The following CDKL4 variants were observed in gnomAD, a reference collection of about 807,000 sequenced individuals.
CDKL4 encodes cyclin dependent kinase like 4, also known as cyclin-dependent kinase-like 4.
CDKL4 carries 44 observed loss-of-function variants against 42.0 expected under a neutral mutation model. The observed-to-expected ratio is 1.05, with a 90% CI of 0.82 to 1.35. The LOEUF (loss-of-function observed/expected upper bound fraction) is 1.35. Ranked by LOEUF, CDKL4 falls within the 40% of genes most tolerant of loss-of-function variation. CDKL4 has a pLI of 0.00. For synonymous variants in CDKL4, 120 were observed against 121.6 expected, an observed-to-expected ratio of 0.99 and a Z score of 0.09; for missense variants, 393 against 369.9, an observed-to-expected ratio of 1.06 and a Z score of -0.51.
chr2:39,184,550 C>T lies in CDKL4; in HGVS notation c.792+41G>A, dbSNP rs764616831. On this transcript the variant is annotated intron_variant, in intron 8 of 9. Coordinates refer to ENST00000451199, the Ensembl canonical transcript of CDKL4. ...CTCAAATTACCAGCTTCAGTCATTA[C>T]AATTTATAGCTAATAAGAGTTATAA... is the stretch of plus-strand genomic sequence containing the variant. 4.8e-6 allele frequency: 7 copies of T among 1,451,334 alleles called. No individual in the cohort carries two copies. In the Admixed American group the frequency reaches 6.9e-5, roughly 14 times the overall value. The allele number at this position is 1,451,334 out of a possible 1,614,324, so 89.9% of individuals were successfully genotyped here.
In CDKL4 at chr2:39,233,726, CAA is replaced by C. The variant is rs201736251; in HGVS notation, c.-56-4140_-56-4139del. ...AATTTCAGTTAATGAAAATCATTTA[CAA>C]AAAAAAACACACAAAATCTAACCAT... On this transcript the variant is annotated intron_variant, in intron 1 of 9. Transcript: ENST00000451199. Among the ~76,000 whole-genome samples the C allele has an allele frequency of 2.0e-5, 3 of 146,424 alleles. No individual in the cohort carries two copies. In the East Asian group the frequency reaches 5.9e-4, roughly 29 times the overall value.
At chr2:39,169,499 T>G in the CDKL4 span, among the ~76,000 whole-genome samples, 1 of 152,098 alleles carries the variant, frequency 6.6e-6, no homozygotes, top group Non-Finnish European at 1.5e-5. Context: ...TATCTTGGTG[T>G]TGTTAATGAA....
chr2:39,237,057 T>C (rs1679413099), intron 1 of CDKL4, among the ~76,000 whole-genome samples: 1 of 152,154 alleles, frequency 6.6e-6, no homozygotes, highest in African/African-American at 2.4e-5. Flanking sequence ...AATATCACCC[T>C]GATAGAAGTC....
chr2:39,244,653 G>A (rs1006354511), upstream of CDKL4, among the ~76,000 whole-genome samples: 1 of 152,250 alleles, frequency 6.6e-6, no homozygotes, highest in Admixed American at 6.5e-5. Flanking sequence ...AAGGGCTGAG[G>A]AGTGCGAGCG....
chr2:39,237,595 C>A (rs1345937943), intron 1 of CDKL4, among the ~76,000 whole-genome samples: 4 of 152,202 alleles, frequency 2.6e-5, no homozygotes, highest in Admixed American at 2.6e-4. Flanking sequence ...GTGGCTCACA[C>A]CTCTAACCCC....
chr2:39,178,436 T>A (rs1205868621), intron 9 of CDKL4: 2 of 815,394 alleles, frequency 2.5e-6, no homozygotes, highest in Non-Finnish European at 3.8e-6. Flanking sequence ...TTCGTCTACT[T>A]ATTTATTTTA....
intron 2 of CDKL4, among the ~76,000 whole-genome samples, chr2:39,227,179 G>A (rs976279883): frequency 6.6e-6 from 1 of 152,210 alleles, no homozygotes; most frequent in East Asian, 1.9e-4. Flanking sequence ...CAGGATACAT[G>A]ATCACTCTTA....
intron 3 of CDKL4, among the ~76,000 whole-genome samples, chr2:39,219,804 T>C (rs1277248877): frequency 1.3e-5 from 2 of 152,116 alleles, no homozygotes; most frequent in African/African-American, 4.8e-5. Context: ...CTAAGTGTGA[T>C]AGAACAATAT....
intron 3 of CDKL4, among the ~76,000 whole-genome samples, chr2:39,217,568 T>C (rs1331803194): frequency 6.6e-6 from 1 of 152,196 alleles, no homozygotes; most frequent in Non-Finnish European, 1.5e-5. Context: ...GCCTTGTTAC[T>C]ATGGCCTACA....
chr2:39,187,525 A>G (rs1675896054), intron 7 of CDKL4, 102 bp downstream of exon 7: 1 of 808,372 alleles, frequency 1.2e-6, no homozygotes, highest in Admixed American at 2.8e-5. Flanking sequence ...AGCCTTGGTG[A>G]CAGAGTGAGA....
At chr2:39,180,722 G>C (rs1294631488) in intron 8 of CDKL4, among the ~76,000 whole-genome samples, 4 of 131,476 alleles carry the variant, frequency 3.0e-5, no homozygotes, top group East Asian at 2.1e-4. Context: ...ACAAAGTCTC[G>C]TTCTGTCACC....
intron 5 of CDKL4, among the ~76,000 whole-genome samples, chr2:39,200,741 G>A (rs1676794362): frequency 6.6e-6 from 1 of 152,056 alleles, no homozygotes; most frequent in Non-Finnish European, 1.5e-5. Context: ...AGTGATGAAT[G>A]GACACCTTAT....
intron 8 of CDKL4, among the ~76,000 whole-genome samples, chr2:39,181,978 T>C (rs1297142718): frequency 6.6e-6 from 1 of 152,076 alleles, no homozygotes; most frequent in Non-Finnish European, 1.5e-5. Flanking sequence ...TTTATTCACG[T>C]TGATTTTATT....
At position 39,208,618 on chromosome 2, in the gene CDKL4, C is replaced by T. The variant is rs527283163; in HGVS notation, c.364-4001G>A. ...TCGGCCTCCCAAAGTGCTGGGATTA[C>T]AGGCATGAGACACCATGCTTGGCCT... is the stretch of plus-strand genomic sequence containing the variant. On this transcript the variant is annotated intron_variant, in intron 4 of 9. Coordinates refer to ENST00000451199, the Ensembl canonical transcript of CDKL4. 2.1e-4 allele frequency among the ~76,000 whole-genome samples: 32 copies of T among 151,844 alleles called. No homozygotes were observed. In the South Asian group the frequency reaches 5.6e-3, roughly 27 times the overall value.
chr2:39,195,669 G>T (rs1178706665), intron 5 of CDKL4, among the ~76,000 whole-genome samples: 3 of 144,374 alleles, frequency 2.1e-5, no homozygotes. Flanking sequence ...TTGAGACAGG[G>T]TCTCACTTTG....
chr2:39,228,969 C>T (rs546206849), intron 2 of CDKL4, among the ~76,000 whole-genome samples: 1 of 152,236 alleles, frequency 6.6e-6, no homozygotes, highest in South Asian at 2.1e-4. Context: ...CAACGCATGT[C>T]GATGCCTACC....
intron 2 of CDKL4, 116 bp from the exon 3 acceptor site, chr2:39,226,076 T>C (rs1263383257): frequency 4.1e-6 from 4 of 971,816 alleles, no homozygotes; most frequent in Admixed American, 7.0e-5. Flanking sequence ...AATGTACCTA[T>C]AATAAGTGGT....
chr2:39,191,354 A>T (rs1207775063), intron 5 of CDKL4, among the ~76,000 whole-genome samples: 1 of 152,102 alleles, frequency 6.6e-6, no homozygotes, highest in South Asian at 2.1e-4. Flanking sequence ...TGATCATGCC[A>T]CTGCACTCCA....
In CDKL4 at chr2:39,198,840, C is replaced by T. The variant is rs932226414; in HGVS notation, c.454+5687G>A. On this transcript the variant is annotated intron_variant, in intron 5 of 9. Coordinates refer to ENST00000451199, the Ensembl canonical transcript of CDKL4. ...CCTCTGGGATACAGCAAAGGCAATG[C>T]CAAGAGGAAAGTTTATAGCATTAAA... is the stretch of plus-strand genomic sequence containing the variant. Among the ~76,000 whole-genome samples the T allele has an allele frequency of 2.5e-4, 38 of 151,984 alleles. No individual in the cohort carries two copies. The East Asian group carries it at 7.3e-3, about 29-fold the overall frequency.
Sources: allele counts gnomAD v4.1 joint callset (sites outside exome capture counted in the v4.1 genomes callset), GRCh38; gene constraint gnomAD v4.1.1; transcripts MANE v1.5; gene names NCBI Gene and HGNC (gene_info 2026-07-23, HGNC 2026-07-21).